The following CAB39 variants were observed in gnomAD, a reference collection of about 807,000 sequenced individuals.
The protein encoded by CAB39 is calcium binding protein 39.
CAB39 carries 8 observed loss-of-function variants against 40.0 expected under a neutral mutation model. That is an observed-to-expected ratio of 0.20 (90% CI 0.12 to 0.36). The LOEUF is 0.36. CAB39 is among the 10% of genes least tolerant of loss of function. CAB39 has a pLI of 1.00. For missense variants in CAB39, 270 were observed against 401.1 expected, an observed-to-expected ratio of 0.67 and a Z score of 2.79; for synonymous variants, 156 against 141.6, an observed-to-expected ratio of 1.10 and a Z score of -0.72.
chr2:230,789,607 A>T (rs532532925), intron 2 of CAB39, among the ~76,000 whole-genome samples: 3 of 152,194 alleles, frequency 2.0e-5, no homozygotes, highest in African/African-American at 7.2e-5. Flanking sequence ...GTGAGCTCCA[A>T]GGTTCTGGTT....
chr2:230,794,967 A>G (rs150124991), intron 4 of CAB39, among the ~76,000 whole-genome samples: 257 of 152,292 alleles, frequency 1.7e-3, no homozygotes, highest in African/African-American at 5.7e-3. Flanking sequence ...ATGGCATTTT[A>G]CAGTTCGTTT....
At position 230,819,221 on chromosome 2, in the gene CAB39, A is replaced by G. The variant is rs1188187321; in HGVS notation, c.*517A>G. 6.6e-6 allele frequency: 1 copy of G among 152,548 alleles called. No individual in the cohort carries two copies. The highest frequency in any genetic ancestry group is 1.5e-5 in the Non-Finnish European group (1 of 68,144). The allele number at this position is 152,548 out of a possible 1,614,324, so 9.4% of individuals were successfully genotyped here. On this transcript the variant is annotated 3_prime_UTR_variant, in exon 9 of 9. Coordinates refer to ENST00000258418, the MANE Select transcript of CAB39 (RefSeq NM_016289.4). ...GGGAGTTTGGGGGCAGCTAAAGTTG[A>G]CATGCGAATAAATTGATACTGAAAC...
At chr2:230,800,981 G>A (rs568336507) in intron 5 of CAB39, among the ~76,000 whole-genome samples, 2 of 152,222 alleles carry the variant, frequency 1.3e-5, no homozygotes, top group South Asian at 2.1e-4. Flanking sequence ...AGACTGGGCA[G>A]CCAGGCAGGT....
intron 1 of CAB39, among the ~76,000 whole-genome samples, chr2:230,722,303 C>G (rs767408810): frequency 2.0e-5 from 3 of 152,152 alleles, no homozygotes; most frequent in Non-Finnish European, 4.4e-5. Context: ...ATATACCATA[C>G]AAACTTTCAT....
At chr2:230,715,831 G>A (rs1185008175) in intron 1 of CAB39, among the ~76,000 whole-genome samples, 1 of 152,128 alleles carries the variant, frequency 6.6e-6, no homozygotes, top group African/African-American at 2.4e-5. Context: ...GCCTCCTGTA[G>A]ACGGGACCAC....
intron 2 of CAB39, among the ~76,000 whole-genome samples, chr2:230,778,133 T>C (rs1695626225): frequency 6.6e-6 from 1 of 152,250 alleles, no homozygotes; most frequent in Non-Finnish European, 1.5e-5. Context: ...AGCATGTTAC[T>C]ATGTTTGTCT....
intron 1 of CAB39, among the ~76,000 whole-genome samples, chr2:230,730,801 C>T (rs999110850): frequency 1.1e-4 from 16 of 151,856 alleles, no homozygotes; most frequent in Admixed American, 2.6e-4. Flanking sequence ...TCATTGCTGT[C>T]GAGTGATAGA....
chr2:230,804,525 C>T (rs976882346), intron 5 of CAB39, among the ~76,000 whole-genome samples: 1 of 152,150 alleles, frequency 6.6e-6, no homozygotes, highest in South Asian at 2.1e-4. Context: ...CCAGAATCTA[C>T]AAAGAACTTA....
At chr2:230,815,462 G>C (rs1295253965) in intron 7 of CAB39, among the ~76,000 whole-genome samples, 2 of 152,148 alleles carry the variant, frequency 1.3e-5, no homozygotes, top group African/African-American at 4.8e-5. Flanking sequence ...AAAGGGCTGA[G>C]GTATACTACT....
chr2:230,807,475 G>A (rs773808925), intron 5 of CAB39, among the ~76,000 whole-genome samples: 16 of 127,702 alleles, frequency 1.3e-4, no homozygotes, highest in Middle Eastern at 5.8e-3. Context: ...ATCCTGTTAC[G>A]TACTGGGTCC....
Position 230,759,984 on chromosome 2 carries a change from G to T in CAB39, c.-18G>T. On this transcript the variant is annotated 5_prime_UTR_variant, in exon 2 of 9. Transcript: ENST00000258418. The stretch of plus-strand genomic sequence containing the variant: ...GTAGCACAGGCGGAGTGCAGCGGAG[G>T]CCCCTGCCGCTGCCGTCATGCCGTT... 6.9e-7 allele frequency: 1 copy of T among 1,452,050 alleles called. No homozygotes were observed. The highest frequency in any genetic ancestry group is 9.7e-7 in the Non-Finnish European group (1 of 1,032,720). The allele number at this position is 1,452,050 out of a possible 1,614,324, so 89.9% of individuals were successfully genotyped here. A position where few individuals can be genotyped will look rare whatever the true frequency, so the allele number is the denominator to read the frequency against.
At chr2:230,725,028 G>C (rs929174373) in intron 1 of CAB39, 48 of 1,276,534 alleles carry the variant, frequency 3.8e-5, no homozygotes, top group African/African-American at 7.4e-5. Context: ...CCCGGAGTAC[G>C]TCGGAGGTGA....
In CAB39 at chr2:230,734,507, G is replaced by C. The variant is rs369115905; in HGVS notation, c.-44+21277G>C. Among the ~76,000 whole-genome samples the C allele has an allele frequency of 3.3e-5, 5 of 152,236 alleles. No homozygotes were observed. The East Asian group carries it at 7.7e-4, about 24-fold the overall frequency. On this transcript the variant is annotated intron_variant, in intron 1 of 8. Coordinates refer to ENST00000258418, the MANE Select transcript of CAB39 (RefSeq NM_016289.4). ...AGCTATGTGAGTGGTATGTGTGAGT[G>C]GGGGAGTTGCCAGAAAGAAATGGTT...
Position 230,819,107 on chromosome 2 carries a change from GTCAGATCGCGCACCT to G in CAB39, c.*408_*422del, listed in dbSNP as rs971597941. The G allele has an allele frequency of 5.8e-5, 9 of 155,650 alleles. No homozygotes were observed. The highest frequency in any genetic ancestry group is 1.9e-4 in the African/African-American group (8 of 41,516). The allele number at this position is 155,650 out of a possible 1,614,324, so 9.6% of individuals were successfully genotyped here. The stretch of plus-strand genomic sequence containing the variant: ...GCAAGTGCACACCTGGCATCCCTGC[GTCAGATCGCGCACCT>G]TCAGGTCGCGCACCTTCGCTGAAGG... On this transcript the variant is annotated 3_prime_UTR_variant, in exon 9 of 9. Coordinates refer to ENST00000258418, the MANE Select transcript of CAB39 (RefSeq NM_016289.4).
At chr2:230,766,442 ACT>A (rs1184202262) in intron 2 of CAB39, among the ~76,000 whole-genome samples, 38 of 152,148 alleles carry the variant, frequency 2.5e-4, no homozygotes, top group Admixed American at 2.5e-3. Flanking sequence ...CACAGTGAGA[ACT>A]CTGTCATTAC....
chr2:230,777,206 T>C (rs1486685119), intron 2 of CAB39, among the ~76,000 whole-genome samples: 1 of 152,064 alleles, frequency 6.6e-6, no homozygotes, highest in Non-Finnish European at 1.5e-5. Context: ...AAGAAAAAAA[T>C]TAAGTTTATC....
At chr2:230,791,713 CAG>C (rs1695895596) in intron 3 of CAB39, among the ~76,000 whole-genome samples, 1 of 152,194 alleles carries the variant, frequency 6.6e-6, no homozygotes, top group Non-Finnish European at 1.5e-5. Flanking sequence ...CCTCCTGTCT[CAG>C]GGCCCATTTG....
Position 230,818,593 on chromosome 2 carries a change from C to T in CAB39, c.915C>T (p.Phe305=). Reference sequence around the variant, plus strand: ...AGAACCAGGCCAAACTCATAGAGTTCCTCAGCAAGTTTCAGAACGACAGGA... The same window carrying T: ...AGAACCAGGCCAAACTCATAGAGTTTCTCAGCAAGTTTCAGAACGACAGGA... ...LLKNQAKLIE[F]LSKFQNDRTE... Residue 305 remains phenylalanine, a synonymous_variant, in exon 9 of 9, where the codon TTC becomes TTT. Coordinates refer to ENST00000258418, the MANE Select transcript of CAB39 (RefSeq NM_016289.4). The T allele has an allele frequency of 1.2e-6, 2 of 1,614,116 alleles. No individual in the cohort carries two copies. The highest frequency in any genetic ancestry group is 1.7e-6 in the Non-Finnish European group (2 of 1,179,954).
In CAB39 at chr2:230,749,332, G is replaced by A. The variant is rs193203943; in HGVS notation, c.-43-10627G>A. Among the ~76,000 whole-genome samples, 169 of 152,012 alleles carry A rather than the reference G, an allele frequency of 1.1e-3. 1 individual carries two copies. Among genetic ancestry groups the A allele is most frequent in the African/African-American group, 3.6e-3 (151 of 41,442 alleles). Reference sequence around the variant, plus strand: ...CAGTATTTGCTTTCTGGAGTAACACGTCCCTGGCTCATCTTGGGTATTTCC... The same window carrying A: ...CAGTATTTGCTTTCTGGAGTAACACATCCCTGGCTCATCTTGGGTATTTCC... On this transcript the variant is annotated intron_variant, in intron 1 of 8. Transcript: ENST00000258418.
Sources: allele counts gnomAD v4.1 joint callset (sites outside exome capture counted in the v4.1 genomes callset), GRCh38; gene constraint gnomAD v4.1.1; transcripts MANE v1.5; gene names NCBI Gene and HGNC (gene_info 2026-07-23, HGNC 2026-07-21).